Variants in ZNF233 observed in about 807,000 individuals in gnomAD.
The protein encoded by ZNF233 is zinc finger protein 233.
Under a neutral mutation model 11.6 loss-of-function variants are expected in ZNF233, and 7 were observed. The observed-to-expected ratio is 0.60, with a 90% CI of 0.34 to 1.13. ZNF233 has a LOEUF of 1.13. Among genes scored for constraint, ZNF233 ranks in the 50% most tolerant of loss-of-function variants. The pLI, the probability that ZNF233 is intolerant of heterozygous loss-of-function variation, is 0.03. For missense variants in ZNF233, 711 were observed against 785.5 expected (o/e 0.91, Z 1.13); for synonymous variants, 226 against 268.5 (o/e 0.84, Z 1.55).
At chr19:44,268,186 TTAATTA>T (rs1568634785) in intron 4 of ZNF233, 2 of 140,842 alleles carry the variant, frequency 1.4e-5, no homozygotes, top group African/African-American at 3.2e-5. Flanking sequence ...ATACATACAT[TTAATTA>T]AATTAAATAC....
chr19:44,261,206 G>A (rs1283176594), intron 1 of ZNF233, among the ~76,000 whole-genome samples: 1 of 152,148 alleles, frequency 6.6e-6, no homozygotes, highest in Non-Finnish European at 1.5e-5. Flanking sequence ...TTGGAAGGCT[G>A]AGGCGGGAGG....
intron 4 of ZNF233, chr19:44,268,218 G>A (rs1167646759): frequency 6.6e-6 from 1 of 151,898 alleles, no homozygotes; most frequent in Non-Finnish European, 1.5e-5. Flanking sequence ...TCTTTATTCT[G>A]CCTTTGTGAT....
chr19:44,263,683 G>A (rs1974993813), intron 1 of ZNF233, among the ~76,000 whole-genome samples: 1 of 152,146 alleles, frequency 6.6e-6, no homozygotes, highest in South Asian at 2.1e-4. Context: ...AAGTAATATA[G>A]CCAATCAGAA....
At position 44,273,661 on chromosome 19, in the gene ZNF233, G is replaced by A; in HGVS notation, c.1001G>A (p.Arg334Lys). 6.2e-7 allele frequency: 1 copy of A among 1,614,108 alleles called. No homozygotes were observed. The highest frequency in any genetic ancestry group is 8.5e-7 in the Non-Finnish European group (1 of 1,179,980). ...GGCTCACATCTGCAACCTCATCAGA[G>A]AGTCAGCACAGGAGAGAACCTCTAC... Reference protein sequence around the residue: ...SQGSHLQPHQRVSTGENLYRC... With the variant: ...SQGSHLQPHQKVSTGENLYRC... Residue 334 changes from arginine (R) to lysine (K), a missense_variant, in exon 5 of 5, where the codon AGA becomes AAA. Physicochemically the swap from Arg to Lys is conservative, Grantham distance 26. Coordinates refer to ENST00000683810, the MANE Select transcript of ZNF233 (RefSeq NM_001207005.2).
At chr19:44,260,688 G>C (rs1157941888) in intron 1 of ZNF233, among the ~76,000 whole-genome samples, 1 of 152,158 alleles carries the variant, frequency 6.6e-6, no homozygotes, top group Admixed American at 6.5e-5. Context: ...ACTAACCGGA[G>C]GGCTGCAGAG....
At chr19:44,265,052 A>G (rs923829373) in intron 2 of ZNF233, among the ~76,000 whole-genome samples, 37 of 152,262 alleles carry the variant, frequency 2.4e-4, no homozygotes, top group African/African-American at 8.7e-4. Context: ...AACAAGATAT[A>G]GAACATTTAT....
Position 44,271,476 on chromosome 19 carries a change from T to C in ZNF233, c.239-1423T>C, listed in dbSNP as rs370992461. Among the ~76,000 whole-genome samples, 27 of 152,258 alleles carry C rather than the reference T, an allele frequency of 1.8e-4. No individual in the cohort carries two copies. The East Asian group carries it at 4.1e-3, about 23-fold the overall frequency. The stretch of plus-strand genomic sequence containing the variant: ...AGGCTCACATATAGCCAGGATTTTG[T>C]AGATTTTATACATCTGCCACGGAAA... On this transcript the variant is annotated intron_variant, in intron 4 of 4. Coordinates refer to ENST00000683810, the MANE Select transcript of ZNF233 (RefSeq NM_001207005.2).
chr19:44,270,247 G>A (rs773639159), intron 4 of ZNF233, among the ~76,000 whole-genome samples: 13 of 150,928 alleles, frequency 8.6e-5, no homozygotes, highest in African/African-American at 2.7e-4. Flanking sequence ...GGTGGCTCAC[G>A]CCTGTAATCC....
At chr19:44,267,019 C>A in intron 4 of ZNF233, 58 bp downstream of exon 4, 1 of 1,340,522 alleles carries the variant, frequency 7.5e-7, no homozygotes, top group Non-Finnish European at 1.0e-6. Context: ...CTCCTCCTCA[C>A]CACCTCCTCA....
At chr19:44,270,622 G>A (rs1015358084) in intron 4 of ZNF233, among the ~76,000 whole-genome samples, 3 of 152,138 alleles carry the variant, frequency 2.0e-5, no homozygotes, top group African/African-American at 7.2e-5. Flanking sequence ...CCTAAGTGAG[G>A]GTTCTCACTC....
rs1249693956 is a variant in ZNF233 at position 44,264,391 on chromosome 19, A to AT, written c.15+21dup. On this transcript the variant is annotated intron_variant, in intron 2 of 4. Coordinates refer to ENST00000683810, the MANE Select transcript of ZNF233 (RefSeq NM_001207005.2). ...CAAGTTTCAGGTGAGTTGAGTTTTG[A>AT]TTTTTATCTCTTAAAATGACATCTC... 1.4e-5 allele frequency: 22 copies of AT among 1,609,776 alleles called. No homozygotes were observed. The highest frequency in any genetic ancestry group is 1.9e-5 in the Non-Finnish European group (22 of 1,178,442).
chr19:44,265,097 G>A (rs1975035950), intron 2 of ZNF233, among the ~76,000 whole-genome samples: 3 of 151,974 alleles, frequency 2.0e-5, no homozygotes, highest in Admixed American at 2.0e-4. Flanking sequence ...TCTCTTTCAA[G>A]TCAGTTCCTT....
chr19:44,263,901 C>A (rs539084155), intron 1 of ZNF233, among the ~76,000 whole-genome samples: 91 of 152,288 alleles, frequency 6.0e-4, no homozygotes, highest in African/African-American at 2.0e-3. Flanking sequence ...CACATTTAAC[C>A]CTTACAATAA....
rs1042565740 is a variant in ZNF233, at chr19:44,274,425, G to A, written c.1765G>A (p.Glu589Lys). Residue 589 changes from glutamate to lysine, a missense_variant, in exon 5 of 5, where the codon GAG becomes AAG. Transcript: ENST00000683810. The stretch of plus-strand genomic sequence containing the variant: ...AGCCCATCAGAGAGTCCACACAGGA[G>A]AGAAACCATACAAATGTGAAGAATG... ...LQAHQRVHTG[E>K]KPYKCEECRK... The A allele has an allele frequency of 6.2e-7, 1 of 1,614,124 alleles. No individual in the cohort carries two copies. Among genetic ancestry groups the A allele is most frequent in the Non-Finnish European group, 8.5e-7 (1 of 1,180,058 alleles).
At position 44,273,767 on chromosome 19, in the gene ZNF233, G is replaced by A; in HGVS notation, c.1107G>A (p.Leu369=). 6.2e-7 allele frequency: 1 copy of A among 1,614,198 alleles called. No individual in the cohort carries two copies. The highest frequency in any genetic ancestry group is 2.2e-5 in the East Asian group (1 of 44,880). The part of the protein sequence containing the change: ...SHELTHPGEK[L]CTCGRCGKGF... ...AGCTTACTCACCCAGGAGAGAAGTT[G>A]TGTACATGTGGCAGGTGTGGGAAGG... is the stretch of plus-strand genomic sequence containing the variant. The change falls in exon 5 of 5, where the codon TTG becomes TTA. Residue 369 remains leucine (L), a synonymous_variant. Transcript: ENST00000683810.
At position 44,274,362 on chromosome 19, in the gene ZNF233, G is replaced by A. The variant is rs1388397071; in HGVS notation, c.1702G>A (p.Val568Met). Residue 568 changes from valine (V) to methionine (M), a missense_variant, in exon 5 of 5, where the codon GTG (valine) becomes ATG (methionine). By Grantham distance (21) the Val-to-Met change is conservative. Transcript: ENST00000683810. ...TGGAGAGAATCCCTACAAATGTGAT[G>A]TGTGTGGGAAAGGCTTCAGTTGGAG... is the stretch of plus-strand genomic sequence containing the variant. ...HTGENPYKCD[V>M]CGKGFSWSSH... is the part of the protein sequence containing the mutation. 1.8e-5 allele frequency: 29 copies of A among 1,613,972 alleles called. No individual in the cohort carries two copies. The highest frequency in any genetic ancestry group is 2.4e-5 in the Non-Finnish European group (28 of 1,180,008).
intron 1 of ZNF233, among the ~76,000 whole-genome samples, chr19:44,260,933 TCTTCTATAGG>T (rs1974920468): frequency 6.6e-6 from 1 of 152,228 alleles, no homozygotes; most frequent in East Asian, 1.9e-4. Flanking sequence ...TGCCAGGGTC[TCTTCTATAGG>T]CTTTATATGC....
chr19:44,273,823 A>G lies in ZNF233; in HGVS notation c.1163A>G (p.His388Arg). The G allele has an allele frequency of 6.2e-7, 1 of 1,614,158 alleles. No homozygotes were observed. The highest frequency in any genetic ancestry group is 8.5e-7 in the Non-Finnish European group (1 of 1,180,026). The stretch of plus-strand genomic sequence containing the variant: ...CATCATAGCTTAGATTTTGACATTC[A>G]CTGTGTAGACAGTGCTGGAGAGAGA... ...GFHHSLDFDI[H>R]CVDSAGERAC... Residue 388 changes from histidine (H) to arginine (R), a missense_variant, in exon 5 of 5, where the codon CAC (histidine) becomes CGC (arginine). Physicochemically the swap from His to Arg is conservative, Grantham distance 29. Coordinates refer to ENST00000683810, the MANE Select transcript of ZNF233 (RefSeq NM_001207005.2).
chr19:44,263,395 G>A (rs1156637008), intron 1 of ZNF233, among the ~76,000 whole-genome samples: 4 of 151,966 alleles, frequency 2.6e-5, no homozygotes, highest in Non-Finnish European at 5.9e-5. Flanking sequence ...AAGACTATTC[G>A]ATTTGCTCAT....
Sources: gnomAD v4.1 joint callset for allele counts (sites outside exome capture counted in the v4.1 genomes callset) on GRCh38, gnomAD v4.1.1 for gene constraint, MANE v1.5 for transcripts, NCBI Gene and HGNC (gene_info 2026-07-23, HGNC 2026-07-21) for gene names.